The following CAST variants were observed in gnomAD, a reference collection of about 807,000 sequenced individuals.
CAST encodes calpastatin.
In CAST, 76 loss-of-function variants were observed where a neutral mutation model predicts 119.6. The ratio of observed to expected loss-of-function variants is 0.64; its 90% CI spans 0.53 to 0.77. The LOEUF (loss-of-function observed/expected upper bound fraction) is 0.77. Among genes scored for constraint, CAST ranks in the 30% least tolerant of loss-of-function variants. The pLI is 0.00. For synonymous variants in CAST, 319 were observed against 331.6 expected, an observed-to-expected ratio of 0.96 and a Z score of 0.41; for missense variants, 953 against 946.5, an observed-to-expected ratio of 1.01 and a Z score of -0.09.
At chr5:96,712,320 T>TTTTTC (rs138286904) in intron 3 of CAST, among the ~76,000 whole-genome samples, 3 of 152,136 alleles carry the variant, frequency 2.0e-5, no homozygotes, top group Non-Finnish European at 4.4e-5. Context: ...GACACAACTT[T>TTTTTC]TTTTCTTTTC....
At chr5:96,195,251 G>C in the CAST span, among the ~76,000 whole-genome samples, 19 of 152,168 alleles carry the variant, frequency 1.2e-4, no homozygotes, top group Middle Eastern at 3.2e-3. Context: ...CAATTCATTA[G>C]GAATGTGGAT....
the CAST span, among the ~76,000 whole-genome samples, chr5:96,267,544 G>T: frequency 6.6e-6 from 1 of 152,182 alleles, no homozygotes; most frequent in Non-Finnish European, 1.5e-5. Flanking sequence ...TGAAAGAAAA[G>T]TCTGCCATCT....
chr5:96,049,514 G>A, the CAST span, among the ~76,000 whole-genome samples: 1 of 152,178 alleles, frequency 6.6e-6, no homozygotes, highest in Non-Finnish European at 1.5e-5. Flanking sequence ...TTGTACAAGC[G>A]TCAGGGGCTG....
chr5:96,440,643 T>A, the CAST span, among the ~76,000 whole-genome samples: 4 of 152,118 alleles, frequency 2.6e-5, no homozygotes, highest in African/African-American at 9.7e-5. Flanking sequence ...CTTCTGACTC[T>A]CCAGTCAGAA....
At chr5:96,515,312 T>C in the CAST span, among the ~76,000 whole-genome samples, 1 of 61,814 alleles carries the variant, frequency 1.6e-5, no homozygotes, top group Admixed American at 1.4e-4. Flanking sequence ...GTTTGATTGT[T>C]TGTTTGTTTG....
chr5:96,355,366 T>G, the CAST span, among the ~76,000 whole-genome samples: 1 of 152,244 alleles, frequency 6.6e-6, no homozygotes, highest in African/African-American at 2.4e-5. Context: ...AACTCATCCT[T>G]TTTTATGTCT....
chr5:96,235,522 T>G, the CAST span, among the ~76,000 whole-genome samples: 33 of 152,306 alleles, frequency 2.2e-4, no homozygotes, highest in African/African-American at 7.5e-4. Flanking sequence ...TTAATGGTAA[T>G]TATTTAGGAG....
the CAST span, among the ~76,000 whole-genome samples, chr5:96,272,204 G>A: frequency 6.6e-6 from 1 of 152,104 alleles, no homozygotes; most frequent in Admixed American, 6.5e-5. Flanking sequence ...CTCTATGGAG[G>A]TTCCTCAAAA....
At chr5:96,354,328 A>G in the CAST span, among the ~76,000 whole-genome samples, 1 of 152,220 alleles carries the variant, frequency 6.6e-6, no homozygotes, top group East Asian at 1.9e-4. Flanking sequence ...AGAGTCAAAT[A>G]ATTTCACAAG....
At chr5:96,410,130 C>T in the CAST span, among the ~76,000 whole-genome samples, 3 of 152,136 alleles carry the variant, frequency 2.0e-5, no homozygotes, top group South Asian at 6.2e-4. Flanking sequence ...CTAAATGCCC[C>T]TCCATCGTCA....
At chr5:96,651,113 C>T (rs1483867257) in intron 1 of CAST, among the ~76,000 whole-genome samples, 1 of 152,044 alleles carries the variant, frequency 6.6e-6, no homozygotes. Context: ...GAAATAAATG[C>T]GGTTTTAGGG....
intron 1 of CAST, among the ~76,000 whole-genome samples, chr5:96,598,347 C>G (rs1021423955): frequency 5.9e-5 from 9 of 152,146 alleles, no homozygotes; most frequent in Admixed American, 3.3e-4. Context: ...CAAAGGCCAG[C>G]TAGTTCCCTG....
the CAST span, among the ~76,000 whole-genome samples, chr5:96,310,823 G>A: frequency 4.1e-4 from 58 of 143,208 alleles, 1 homozygote; most frequent in African/African-American, 1.5e-3. Context: ...TTTTCTCTTG[G>A]TTAGTCTAGC....
the CAST span, among the ~76,000 whole-genome samples, chr5:96,082,950 C>G: frequency 6.6e-6 from 1 of 152,192 alleles, no homozygotes; most frequent in Admixed American, 6.5e-5. Context: ...ATTTTAGAAA[C>G]ATTAAGTTAG....
chr5:96,713,564 G>A lies in CAST; in HGVS notation c.211-9075G>A, dbSNP rs115075337. ...TTCCTCTTCATTTGACTGGAACATG[G>A]ACCTAAAGCAACCATGCATTTGAAT... On this transcript the variant is annotated intron_variant, in intron 3 of 31. Transcript: ENST00000675179. 6.8e-3 allele frequency among the ~76,000 whole-genome samples: 1,031 copies of A among 152,338 alleles called. 16 individuals are homozygous for A. Among genetic ancestry groups the A allele is most frequent in the African/African-American group, 0.024 (997 of 41,580 alleles).
intron 16 of CAST, chr5:96,743,759 G>A: frequency 1.3e-6 from 2 of 1,503,650 alleles, no homozygotes; most frequent in Non-Finnish European, 1.8e-6. Context: ...AATGTATTGG[G>A]AAGAAGGGAA....
At chr5:96,143,747 C>G in the CAST span, among the ~76,000 whole-genome samples, 1 of 152,160 alleles carries the variant, frequency 6.6e-6, no homozygotes, top group Non-Finnish European at 1.5e-5. Context: ...AGTTCCCTTA[C>G]AAGTCCAAAT....
Position 96,762,288 on chromosome 5 carries a change from T to G in CAST, c.1848T>G (p.Ala616=), listed in dbSNP as rs775316398. ...QNASSLKFED[A]KLAAAISEVV... ...TTCAATAAAAGAAATTTGAAGATGC[T>G]AAACTTGCTGCTGCCATCTCTGAAG... The change falls in exon 25 of 32, where the codon GCT becomes GCG. Residue 616 remains alanine, a synonymous_variant. Transcript: ENST00000675179. 1 of 1,607,214 alleles carries G rather than the reference T, an allele frequency of 6.2e-7. No individual in the cohort carries two copies. The highest frequency in any genetic ancestry group is 8.5e-7 in the Non-Finnish European group (1 of 1,178,060).
chr5:96,551,233 A>G (rs1336887974), intron 1 of CAST, among the ~76,000 whole-genome samples: 1 of 152,246 alleles, frequency 6.6e-6, no homozygotes, highest in Admixed American at 6.5e-5. Flanking sequence ...CAGAAACCCT[A>G]CAAGCCAGAA....
Sources: allele counts gnomAD v4.1 joint callset (sites outside exome capture counted in the v4.1 genomes callset), GRCh38; gene constraint gnomAD v4.1.1; transcripts MANE v1.5; gene names NCBI Gene and HGNC (gene_info 2026-07-23, HGNC 2026-07-21).